The following NOTCH1 variants were observed in gnomAD, a reference collection of about 807,000 sequenced individuals.
NOTCH1 encodes notch receptor 1, also known as neurogenic locus notch homolog protein 1.
In NOTCH1, 37 loss-of-function variants were observed where a neutral mutation model predicts 254.8. The ratio of observed to expected loss-of-function variants is 0.15; its 90% CI spans 0.11 to 0.19. NOTCH1 has a LOEUF of 0.19. NOTCH1 is among the 10% of genes least tolerant of loss of function. The pLI, the probability that NOTCH1 is intolerant of heterozygous loss-of-function variation, is 1.00. For synonymous variants in NOTCH1, 1,731 were observed against 1,618.1 expected (o/e 1.07, Z -1.68); for missense variants, 2,972 against 3,708.6 (o/e 0.80, Z 5.16).
intron 18 of NOTCH1, 50 bp downstream of exon 18, chr9:136,509,683 T>C: frequency 6.4e-7 from 1 of 1,554,522 alleles, no homozygotes; most frequent in Non-Finnish European, 8.9e-7. Flanking sequence ...CTACTGCGTG[T>C]GGCCCGCACC....
chr9:136,514,902 G>T (rs1307676267), intron 12 of NOTCH1, among the ~76,000 whole-genome samples, 200 bp from the exon 13 acceptor site: 1 of 152,166 alleles, frequency 6.6e-6, no homozygotes, highest in African/African-American at 2.4e-5. Flanking sequence ...ATCCTCCCAG[G>T]GGCCCCAGGG....
chr9:136,509,894 G>C lies in NOTCH1; in HGVS notation c.2808C>G (p.Gly936=). ...INTAFCDCLP[G]FRGTFCEEDI... Reference sequence around the variant, plus strand: ...CCTCCTCACAGAAAGTGCCCCGGAAGCCGGGCAGGCAGTCGCAGAAGGCCG... The same window carrying C: ...CCTCCTCACAGAAAGTGCCCCGGAACCCGGGCAGGCAGTCGCAGAAGGCCG... The change falls in exon 18 of 34, where the codon GGC becomes GGG. Residue 936 remains glycine (G), a synonymous_variant. Transcript: ENST00000651671. 6.2e-7 allele frequency: 1 copy of C among 1,613,260 alleles called. No homozygotes were observed. Among genetic ancestry groups the C allele is most frequent in the South Asian group, 1.1e-5 (1 of 91,090 alleles).
intron 31 of NOTCH1, 58 bp downstream of exon 31, chr9:136,500,494 C>G (rs1440903972): frequency 1.3e-6 from 2 of 1,596,400 alleles, no homozygotes; most frequent in African/African-American, 2.7e-5. Flanking sequence ...GGCCACTGCC[C>G]CAGACCACCA....
rs2133339971 is a variant in NOTCH1 at position 136,505,609 on chromosome 9, G to A, written c.4287C>T (p.Asp1429=). The A allele has an allele frequency of 1.2e-6, 2 of 1,611,932 alleles. No homozygotes were observed. The highest frequency in any genetic ancestry group is 1.7e-6 in the Non-Finnish European group (2 of 1,179,562). ...KFNGLLCHIL[D]YSFGGGAGRD... ...GCCCGGCCCCACCCCCGAAGCTGTA[G>A]TCCAGGATGTGGCACAAGAGCCCGT... is the stretch of plus-strand genomic sequence containing the variant. Residue 1429 remains aspartate (D), a synonymous_variant, in exon 25 of 34, where the codon GAC becomes GAT. Transcript: ENST00000651671.
chr9:136,508,680 C>G (rs972872318), intron 19 of NOTCH1, among the ~76,000 whole-genome samples, 190 bp downstream of exon 19: 2 of 152,234 alleles, frequency 1.3e-5, no homozygotes, highest in Non-Finnish European at 2.9e-5. Flanking sequence ...GGGATTGAAA[C>G]GAAGGTGCCT....
chr9:136,504,617 C>G (rs1176414490), intron 26 of NOTCH1, 56 bp downstream of exon 26: 6 of 1,447,448 alleles, frequency 4.1e-6, no homozygotes, highest in Non-Finnish European at 4.6e-6. Context: ...GGGAGGCCGT[C>G]GGGGAGGGCC....
chr9:136,511,961 G>A (rs1161307305), intron 15 of NOTCH1, among the ~76,000 whole-genome samples: 5 of 152,234 alleles, frequency 3.3e-5, no homozygotes, highest in South Asian at 2.1e-4. Context: ...TGGGGACTGC[G>A]TTATCTTCCC....
intron 20 of NOTCH1, 25 bp from the exon 21 acceptor site, chr9:136,508,164 G>A (rs757138488): frequency 1.2e-6 from 2 of 1,608,276 alleles, no homozygotes; most frequent in African/African-American, 2.7e-5. Flanking sequence ...GTGGTAGACA[G>A]GTGAGGCCCA....
chr9:136,509,188 G>T, intron 18 of NOTCH1, 117 bp from the exon 19 acceptor site: 1 of 1,070,294 alleles, frequency 9.3e-7, no homozygotes, highest in Non-Finnish European at 1.4e-6. Context: ...CTGATGGCCA[G>T]GACAGGCCCA....
chr9:136,510,595 C>G (rs1043424698), intron 17 of NOTCH1, 58 bp downstream of exon 17: 37 of 1,566,678 alleles, frequency 2.4e-5, no homozygotes, highest in Non-Finnish European at 3.0e-5. Flanking sequence ...CAACCCTGCC[C>G]GGGGGAACTG....
chr9:136,498,462 G>A (rs189997928), intron 33 of NOTCH1, among the ~76,000 whole-genome samples: 108 of 152,278 alleles, frequency 7.1e-4, no homozygotes, highest in African/African-American at 2.4e-3. Context: ...GGGAGCTGCC[G>A]CCACGCGTGT....
In NOTCH1 at chr9:136,533,477, G is replaced by A. The variant is rs374754930; in HGVS notation, c.141-9498C>T. ...ACCACGCGGCCCTGCTGTGCGGCACGGGGCTCATCTGTCCCCCGGCTGCGG... is the reference window on the plus strand; with the variant it reads ...ACCACGCGGCCCTGCTGTGCGGCACAGGGCTCATCTGTCCCCCGGCTGCGG... On this transcript the variant is annotated intron_variant, in intron 2 of 33. Coordinates refer to ENST00000651671, the MANE Select transcript of NOTCH1 (RefSeq NM_017617.5). 1.1e-4 allele frequency among the ~76,000 whole-genome samples: 16 copies of A among 152,378 alleles called. No homozygotes were observed. The South Asian group carries it at 1.4e-3, about 14-fold the overall frequency.
At chr9:136,535,266 C>A (rs2133394178) in intron 2 of NOTCH1, among the ~76,000 whole-genome samples, 1 of 152,044 alleles carries the variant, frequency 6.6e-6, no homozygotes, top group South Asian at 2.1e-4. Context: ...TCACAAGGCC[C>A]CTTGGGGACC....
At position 136,519,468 on chromosome 9, in the gene NOTCH1, G is replaced by C. The variant is rs1564200790; in HGVS notation, c.840C>G (p.Asn280Lys). ...CTGTCCACTCTGGCGGGCAGCGGCA[G>C]TTGTAGGTGTTCACGCCGTCCACAC... Reference protein sequence around the residue: ...GACVDGVNTYNCRCPPEWTGQ... With the variant: ...GACVDGVNTYKCRCPPEWTGQ... The change falls in exon 5 of 34, where the codon AAC (asparagine) becomes AAG (lysine). Residue 280 changes from asparagine to lysine, a missense_variant. Coordinates refer to ENST00000651671, the MANE Select transcript of NOTCH1 (RefSeq NM_017617.5). The C allele has an allele frequency of 1.2e-6, 2 of 1,612,956 alleles. No individual in the cohort carries two copies. The highest frequency in any genetic ancestry group is 8.5e-7 in the Non-Finnish European group (1 of 1,179,944).
rs2133335986 is a variant in NOTCH1, at chr9:136,504,757, A to G, written c.4934T>C (p.Leu1645Pro). The change falls in exon 26 of 34, where the codon CTG becomes CCG. Residue 1645 changes from leucine to proline, a missense_variant. Physicochemically the swap from Leu to Pro is moderately conservative, Grantham distance 98. This residue lies in a region of NOTCH1 where 1,343 missense variants were observed against 1,557.0 expected (regional missense o/e 0.86). Transcript: ENST00000651671. ...AEGWAAPDAL[L>P]GQVKASLLPG... is the part of the protein sequence containing the mutation. ...GAGCAGCGAGGCCTTCACCTGGCCC[A>G]GCAGGGCGTCAGGTGCGGCCCAGCC... 1 of 1,548,762 alleles carries G rather than the reference A, an allele frequency of 6.5e-7. No individual in the cohort carries two copies. Among genetic ancestry groups the G allele is most frequent in the Non-Finnish European group, 8.7e-7 (1 of 1,146,468 alleles).
At chr9:136,510,826 G>T (rs376232432) in intron 16 of NOTCH1, 21 bp from the exon 17 acceptor site, 3 of 1,605,768 alleles carry the variant, frequency 1.9e-6, no homozygotes, top group African/African-American at 1.3e-5. Context: ...GGAGGAGGCC[G>T]GTTGGTCACC....
chr9:136,534,862 G>GTCCCTCCCCACAGAGC (rs1843618059), intron 2 of NOTCH1, among the ~76,000 whole-genome samples: 1 of 21,310 alleles, frequency 4.7e-5, no homozygotes, highest in Non-Finnish European at 9.5e-5. Context: ...TCCCCACAGA[G>GTCCCTCCCCACAGAGC]CCCCCAGTCC....
At chr9:136,526,737 G>A (rs1329011800) in intron 2 of NOTCH1, among the ~76,000 whole-genome samples, 1 of 152,316 alleles carries the variant, frequency 6.6e-6, no homozygotes, top group African/African-American at 2.4e-5. Context: ...CTGCCCAACC[G>A]GACGCATCCC....
chr9:136,526,007 C>G (rs562016922), intron 2 of NOTCH1, among the ~76,000 whole-genome samples: 1 of 152,394 alleles, frequency 6.6e-6, no homozygotes, highest in South Asian at 2.1e-4. Flanking sequence ...GGAATTCACT[C>G]AGGCCTTGCT....
Sources: gnomAD v4.1 joint callset for allele counts (sites outside exome capture counted in the v4.1 genomes callset) on GRCh38, gnomAD v4.1.1 for gene constraint, gnomAD v4.1.1 regional missense constraint, MANE v1.5 for transcripts, NCBI Gene and HGNC (gene_info 2026-07-23, HGNC 2026-07-21) for gene names.